Variants in PDSS2 observed in about 807,000 individuals in gnomAD.
PDSS2 encodes the protein all trans-polyprenyl-diphosphate synthase PDSS2.
In PDSS2, 31 loss-of-function variants were observed where a neutral mutation model predicts 44.5. That is an observed-to-expected ratio of 0.70 (90% confidence interval 0.52 to 0.94). PDSS2 has a LOEUF of 0.94. Among genes scored for constraint, PDSS2 ranks in the 40% least tolerant of loss-of-function variants. PDSS2 has a pLI of 0.00. For missense variants in PDSS2, 452 were observed against 482.2 expected, an observed-to-expected ratio of 0.94 and a Z score of 0.59; for synonymous variants, 157 against 180.3, an observed-to-expected ratio of 0.87 and a Z score of 1.03.
intron 2 of PDSS2, among the ~76,000 whole-genome samples, chr6:107,300,066 G>C (rs917352284): frequency 6.6e-6 from 1 of 151,832 alleles, no homozygotes; most frequent in Non-Finnish European, 1.5e-5. Context: ...ATGAAGTCTC[G>C]GCCCAAAACC....
intron 7 of PDSS2, among the ~76,000 whole-genome samples, chr6:107,176,683 C>T (rs776094640): frequency 5.9e-5 from 9 of 152,192 alleles, no homozygotes; most frequent in African/African-American, 1.7e-4. Context: ...CTGAACACAA[C>T]GCAACAGCTC....
chr6:107,398,230 T>C (rs997886894), intron 1 of PDSS2, among the ~76,000 whole-genome samples: 3 of 152,108 alleles, frequency 2.0e-5, no homozygotes, highest in African/African-American at 7.2e-5. Flanking sequence ...AACAACACAT[T>C]GCAACAAAGT....
intron 3 of PDSS2, among the ~76,000 whole-genome samples, chr6:107,256,517 A>T (rs1243566971): frequency 1.3e-5 from 2 of 152,138 alleles, no homozygotes; most frequent in Admixed American, 1.3e-4. Flanking sequence ...GAGACATCCC[A>T]AGGTTTGTAC....
intron 2 of PDSS2, among the ~76,000 whole-genome samples, chr6:107,314,217 TCA>T (rs112547874): frequency 7.3e-5 from 11 of 150,752 alleles, no homozygotes; most frequent in South Asian, 2.1e-4. Context: ...TGGAGATGAT[TCA>T]CACACACACA....
intron 1 of PDSS2, among the ~76,000 whole-genome samples, chr6:107,409,838 C>G (rs1780433890): frequency 6.6e-6 from 1 of 152,100 alleles, no homozygotes; most frequent in South Asian, 2.1e-4. Flanking sequence ...AAGAATGTAC[C>G]ACTGCATTTA....
chr6:107,284,354 C>T (rs192853638), intron 2 of PDSS2, among the ~76,000 whole-genome samples: 2 of 152,162 alleles, frequency 1.3e-5, no homozygotes, highest in East Asian at 1.9e-4. Flanking sequence ...GTGGACCCAA[C>T]ATCCAGCTTT....
rs1484857204 is a variant in PDSS2, at chr6:107,152,675, G to GC, written c.*1943dup. On this transcript the variant is annotated 3_prime_UTR_variant, in exon 8 of 8. Transcript: ENST00000369037. ...TGAGGCTCAGAAGGAAGTGACTTGTGCAAGGTCATACAGCAAACCAGATGC... is the reference window on the plus strand; with the variant it reads ...TGAGGCTCAGAAGGAAGTGACTTGTGCCAAGGTCATACAGCAAACCAGATGC... 6.6e-6 allele frequency: 1 copy of GC among 151,882 alleles called. No homozygotes were observed. The highest frequency in any genetic ancestry group is 1.9e-4 in the East Asian group (1 of 5,182). 9.4% of individuals were successfully genotyped at this position (151,882 alleles called of 1,614,324 possible). A position where few individuals can be genotyped will look rare whatever the true frequency, so the allele number is the denominator to read the frequency against.
At chr6:107,456,439 T>C (rs1782046571) in intron 1 of PDSS2, among the ~76,000 whole-genome samples, 1 of 152,174 alleles carries the variant, frequency 6.6e-6, no homozygotes, top group African/African-American at 2.4e-5. Flanking sequence ...TCAGAAACCA[T>C]GAATTTTAAA....
chr6:107,203,057 C>T (rs11755498), intron 6 of PDSS2, among the ~76,000 whole-genome samples: 35,523 of 151,832 alleles, frequency 0.23, 5,061 homozygotes, highest in East Asian at 0.48. Flanking sequence ...GAAAAAAAAT[C>T]GACTCAGGTC....
At chr6:107,347,975 A>C (rs758093129) in intron 1 of PDSS2, among the ~76,000 whole-genome samples, 17 of 152,004 alleles carry the variant, frequency 1.1e-4, no homozygotes, top group Admixed American at 5.9e-4. Flanking sequence ...CCCACCCCCC[A>C]CACAGTTTTC....
At chr6:107,424,140 C>T (rs2114715947) in intron 1 of PDSS2, among the ~76,000 whole-genome samples, 1 of 149,824 alleles carries the variant, frequency 6.7e-6, no homozygotes, top group African/African-American at 2.5e-5. Flanking sequence ...CTCCTGGGCC[C>T]AAGTGATCCT....
intron 2 of PDSS2, among the ~76,000 whole-genome samples, chr6:107,328,537 A>G (rs760341537): frequency 6.6e-6 from 1 of 152,030 alleles, no homozygotes; most frequent in Non-Finnish European, 1.5e-5. Context: ...CAGCCTCCCA[A>G]AGTGCTGGGT....
At chr6:107,407,814 C>T (rs1373726233) in intron 1 of PDSS2, among the ~76,000 whole-genome samples, 3 of 152,016 alleles carry the variant, frequency 2.0e-5, no homozygotes, top group South Asian at 4.1e-4. Flanking sequence ...ATTCTCCTGC[C>T]TCAGCCTCCC....
intron 1 of PDSS2, among the ~76,000 whole-genome samples, chr6:107,405,326 A>C (rs1780276347): frequency 6.6e-6 from 1 of 152,106 alleles, no homozygotes; most frequent in South Asian, 2.1e-4. Context: ...TGCCATCATA[A>C]AAACACGTGT....
At chr6:107,311,290 G>A (rs1288400972) in intron 2 of PDSS2, among the ~76,000 whole-genome samples, 1 of 149,838 alleles carries the variant, frequency 6.7e-6, no homozygotes, top group Non-Finnish European at 1.5e-5. Context: ...TGATCTCCCA[G>A]GCTTAAGTAA....
At position 107,439,117 on chromosome 6, in the gene PDSS2, C is replaced by T. The variant is rs149909523; in HGVS notation, c.296+19873G>A. On this transcript the variant is annotated intron_variant, in intron 1 of 7. Transcript: ENST00000369037. ...GACATACTGCAAGCAGGCATACTGC[C>T]CTCCTCCCTCCACTTTCTTCCTGTA... 1.3e-3 allele frequency among the ~76,000 whole-genome samples: 191 copies of T among 152,252 alleles called. 1 individual carries two copies. The highest frequency in any genetic ancestry group is 3.9e-3 in the African/African-American group (162 of 41,554).
intron 1 of PDSS2, among the ~76,000 whole-genome samples, chr6:107,457,789 G>C (rs1475235749): frequency 2.6e-5 from 4 of 152,110 alleles, no homozygotes; most frequent in Non-Finnish European, 5.9e-5. Context: ...AACATTATTA[G>C]GCCAATTAAC....
chr6:107,332,680 C>T (rs1777751009), intron 2 of PDSS2, among the ~76,000 whole-genome samples: 1 of 151,962 alleles, frequency 6.6e-6, no homozygotes, highest in South Asian at 2.1e-4. Context: ...CTTCAACTCT[C>T]CCCATTACCA....
intron 6 of PDSS2, among the ~76,000 whole-genome samples, chr6:107,194,106 C>T (rs1772473583): frequency 6.6e-6 from 1 of 152,194 alleles, no homozygotes; most frequent in African/African-American, 2.4e-5. Flanking sequence ...CTCTTAATGT[C>T]ACATGCTTCA....
Sources: allele counts gnomAD v4.1 joint callset (sites outside exome capture counted in the v4.1 genomes callset), GRCh38; gene constraint gnomAD v4.1.1; transcripts MANE v1.5; gene names NCBI Gene and HGNC (gene_info 2026-07-23, HGNC 2026-07-21).